GALNTL6: variants seen among roughly 807,000 people sequenced by gnomAD.
GALNTL6 encodes polypeptide N-acetylgalactosaminyltransferase-like 6.
GALNTL6 carries 46 observed loss-of-function variants against 73.7 expected under a neutral mutation model. The ratio of observed to expected loss-of-function variants is 0.62; its 90% CI spans 0.49 to 0.80. The LOEUF is 0.80. GALNTL6 is among the 30% of genes least tolerant of loss of function. The pLI, the probability that GALNTL6 is intolerant of heterozygous loss-of-function variation, is 0.00. For missense variants in GALNTL6, 604 were observed against 755.0 expected, an observed-to-expected ratio of 0.80 and a Z score of 2.34; for synonymous variants, 259 against 263.7, an observed-to-expected ratio of 0.98 and a Z score of 0.17.
intron 10 of GALNTL6, among the ~76,000 whole-genome samples, chr4:172,978,364 T>A (rs1428350974): frequency 6.6e-6 from 1 of 152,176 alleles, no homozygotes; most frequent in Non-Finnish European, 1.5e-5. Flanking sequence ...TGAGCTCTAA[T>A]GAGGATGAGC....
chr4:172,344,563 A>G (rs551936725), intron 4 of GALNTL6, among the ~76,000 whole-genome samples: 2 of 152,320 alleles, frequency 1.3e-5, no homozygotes, highest in South Asian at 4.1e-4. Flanking sequence ...CTGCTGCCAG[A>G]GGAATATGTA....
rs188915344 is a variant in GALNTL6, at chr4:172,960,532, C to T, written c.1371+8274C>T. Among the ~76,000 whole-genome samples, 18 of 151,930 alleles carry T rather than the reference C, an allele frequency of 1.2e-4. No individual in the cohort carries two copies. The East Asian group carries it at 1.7e-3, about 15-fold the overall frequency. On this transcript the variant is annotated intron_variant, in intron 10 of 12. Transcript: ENST00000506823. Reference sequence around the variant, plus strand: ...AAGGAAGATTAGAAAGACTCAGCGACGCTTGGGGTTGGGATTGAGGGGACA... The same window carrying T: ...AAGGAAGATTAGAAAGACTCAGCGATGCTTGGGGTTGGGATTGAGGGGACA...
chr4:173,002,590 C>T (rs1752090899), intron 10 of GALNTL6, among the ~76,000 whole-genome samples: 2 of 151,406 alleles, frequency 1.3e-5, no homozygotes, highest in Admixed American at 1.3e-4. Flanking sequence ...GTCAGGAGAT[C>T]GAGACCATCC....
chr4:172,481,681 A>G (rs1733485192), intron 5 of GALNTL6, among the ~76,000 whole-genome samples: 1 of 152,108 alleles, frequency 6.6e-6, no homozygotes, highest in African/African-American at 2.4e-5. Context: ...AGTCCCCACT[A>G]GATTAGCTAG....
Position 172,371,803 on chromosome 4 carries a change from C to T in GALNTL6, c.553+23114C>T, listed in dbSNP as rs7692834. On this transcript the variant is annotated intron_variant, in intron 5 of 12. Coordinates refer to ENST00000506823, the MANE Select transcript of GALNTL6 (RefSeq NM_001034845.3). The stretch of plus-strand genomic sequence containing the variant: ...TGCCAGCTGCTTATGCTGCTGTTCT[C>T]CCCTCTCCTTCCTCTTTTTGATGGC... 8.3e-3 allele frequency among the ~76,000 whole-genome samples: 1,256 copies of T among 152,186 alleles called. 16 individuals carry two copies. The highest frequency in any genetic ancestry group is 0.028 in the African/African-American group (1,182 of 41,504).
At chr4:171,968,431 C>T (rs1739453812) in intron 2 of GALNTL6, among the ~76,000 whole-genome samples, 1 of 152,182 alleles carries the variant, frequency 6.6e-6, no homozygotes, top group Admixed American at 6.5e-5. Flanking sequence ...ACACCGTAAT[C>T]TCTTCCTCCA....
intron 2 of GALNTL6, among the ~76,000 whole-genome samples, chr4:172,000,001 T>C (rs543361663): frequency 1.3e-5 from 2 of 152,290 alleles, no homozygotes; most frequent in African/African-American, 2.4e-5. Context: ...AGTTTTCTTT[T>C]GGAGAATTAT....
chr4:172,476,014 A>C (rs1158366599), intron 5 of GALNTL6, among the ~76,000 whole-genome samples: 1 of 152,252 alleles, frequency 6.6e-6, no homozygotes, highest in Non-Finnish European at 1.5e-5. Flanking sequence ...CAATACTATA[A>C]GTGATGGCAG....
intron 7 of GALNTL6, among the ~76,000 whole-genome samples, chr4:172,850,674 C>T (rs1170722098): frequency 6.6e-6 from 1 of 152,160 alleles, no homozygotes. Context: ...CTGTCTCCCA[C>T]TTCAGACACC....
At chr4:172,238,491 A>C (rs961167132) in intron 3 of GALNTL6, among the ~76,000 whole-genome samples, 1 of 152,144 alleles carries the variant, frequency 6.6e-6, no homozygotes. Context: ...ACAATCTAGG[A>C]GCCATTGGCA....
chr4:172,493,824 ATGAGTCCTCAAT>A (rs1178052949), intron 5 of GALNTL6, among the ~76,000 whole-genome samples: 4 of 152,196 alleles, frequency 2.6e-5, no homozygotes, highest in Non-Finnish European at 5.9e-5. Context: ...TTTTTAGTCC[ATGAGTCCTCAAT>A]TAAAATTCAG....
At chr4:172,783,643 G>C (rs1739497431) in intron 5 of GALNTL6, among the ~76,000 whole-genome samples, 1 of 151,718 alleles carries the variant, frequency 6.6e-6, no homozygotes, top group Non-Finnish European at 1.5e-5. Context: ...AAGTTAATGA[G>C]TCTAATACGG....
At chr4:171,882,012 A>C (rs954750016) in intron 2 of GALNTL6, among the ~76,000 whole-genome samples, 2 of 152,208 alleles carry the variant, frequency 1.3e-5, no homozygotes, top group African/African-American at 4.8e-5. Flanking sequence ...TTGACCTTTG[A>C]GAATTATCTC....
Position 173,019,788 on chromosome 4 carries a change from T to C in GALNTL6, c.1489-1688T>C, listed in dbSNP as rs540516316. On this transcript the variant is annotated intron_variant, in intron 11 of 12. Coordinates refer to ENST00000506823, the MANE Select transcript of GALNTL6 (RefSeq NM_001034845.3). ...GCTGTTCACATGCTCGTTTAGGTCATTTCTTGAGACCACTTAACCCAGTTC... is the reference window on the plus strand; with the variant it reads ...GCTGTTCACATGCTCGTTTAGGTCACTTCTTGAGACCACTTAACCCAGTTC... 9.2e-5 allele frequency among the ~76,000 whole-genome samples: 14 copies of C among 152,356 alleles called. No homozygotes were observed. In the East Asian group the frequency reaches 2.5e-3, roughly 27 times the overall value.
At chr4:172,601,993 A>G (rs1280228838) in intron 5 of GALNTL6, among the ~76,000 whole-genome samples, 2 of 152,138 alleles carry the variant, frequency 1.3e-5, no homozygotes, top group Non-Finnish European at 2.9e-5. Flanking sequence ...CACTTCTTAT[A>G]AGTGGGGCAA....
intron 2 of GALNTL6, among the ~76,000 whole-genome samples, chr4:172,148,677 T>A (rs1211942324): frequency 6.6e-6 from 1 of 152,172 alleles, no homozygotes; most frequent in African/African-American, 2.4e-5. Context: ...ATCCTAAGTG[T>A]CTGAAACTAT....
At chr4:172,488,346 C>T (rs1733770834) in intron 5 of GALNTL6, among the ~76,000 whole-genome samples, 2 of 152,134 alleles carry the variant, frequency 1.3e-5, no homozygotes, top group African/African-American at 2.4e-5. Flanking sequence ...GATGGCTTCC[C>T]CTGCTACGTG....
intron 5 of GALNTL6, among the ~76,000 whole-genome samples, chr4:172,470,981 G>A (rs1429029050): frequency 1.3e-5 from 2 of 152,140 alleles, no homozygotes; most frequent in Non-Finnish European, 2.9e-5. Context: ...TATTCAGATG[G>A]TCTGCACCAG....
At chr4:172,599,771 T>C (rs1737987418) in intron 5 of GALNTL6, among the ~76,000 whole-genome samples, 1 of 152,070 alleles carries the variant, frequency 6.6e-6, no homozygotes, top group African/African-American at 2.4e-5. Flanking sequence ...TTTTTTGACA[T>C]TAAAAGTAAG....
Sources: gnomAD v4.1 joint callset for allele counts (sites outside exome capture counted in the v4.1 genomes callset) on GRCh38, gnomAD v4.1.1 for gene constraint, MANE v1.5 for transcripts, NCBI Gene and HGNC (gene_info 2026-07-23, HGNC 2026-07-21) for gene names.